The following CEP76 variants were observed in gnomAD, a reference collection of about 807,000 sequenced individuals.
CEP76 encodes the protein centrosomal protein of 76 kDa.
CEP76 carries 55 observed loss-of-function variants against 83.3 expected under a neutral mutation model. The ratio of observed to expected loss-of-function variants is 0.66; its 90% CI spans 0.53 to 0.83. The LOEUF (loss-of-function observed/expected upper bound fraction) is 0.83, where lower values mean the gene tolerates loss of function less well. Among genes scored for constraint, CEP76 ranks in the 40% least tolerant of loss-of-function variants. The pLI is 0.00. For missense variants in CEP76, 694 were observed against 799.5 expected (o/e 0.87, Z 1.59); for synonymous variants, 270 against 274.5 (o/e 0.98, Z 0.16).
chr18:12,699,272 G>A, intron 3 of CEP76, 69 bp from the exon 4 acceptor site: 1 of 1,130,516 alleles, frequency 8.8e-7, no homozygotes, highest in Non-Finnish European at 1.3e-6. Flanking sequence ...AAGACATTAG[G>A]AAATAAAAAC....
intron 9 of CEP76, 80 bp downstream of exon 9, chr18:12,680,582 G>T: frequency 9.3e-7 from 1 of 1,076,328 alleles, no homozygotes; most frequent in Non-Finnish European, 1.3e-6. Context: ...GGGCGACAGA[G>T]CGAGACTCCA....
intron 7 of CEP76, among the ~76,000 whole-genome samples, chr18:12,687,377 C>T (rs1462983959): frequency 6.6e-6 from 1 of 151,578 alleles, no homozygotes; most frequent in Non-Finnish European, 1.5e-5. Flanking sequence ...TGAGAAAGAT[C>T]ATTAATTTTT....
chr18:12,701,140 T>A, intron 1 of CEP76, 27 bp from the exon 2 acceptor site: 1 of 1,582,828 alleles, frequency 6.3e-7, no homozygotes, highest in Non-Finnish European at 8.6e-7. Flanking sequence ...TATTACAATT[T>A]ATAACATCAC....
In CEP76 at chr18:12,673,411, C is replaced by G. The variant is rs532240201; in HGVS notation, c.1934G>C (p.Cys645Ser). Residue 645 changes from cysteine to serine, a missense_variant, in exon 12 of 12, where the codon TGT becomes TCT. Transcript: ENST00000262127. Reference sequence around the variant, plus strand: ...ACAAGCAAACATGATCCAAACAGCACATGCAGATTCAGGGTAAGTAAATAC... The same window carrying G: ...ACAAGCAAACATGATCCAAACAGCAGATGCAGATTCAGGGTAAGTAAATAC... ...VRVFTYPESA[C>S]AVWIMFACKY... The G allele has an allele frequency of 1.6e-5, 26 of 1,606,980 alleles. No individual in the cohort carries two copies. In the Admixed American group the frequency reaches 2.7e-4, roughly 17 times the overall value.
chr18:12,687,453 A>AG (rs2039579053), intron 7 of CEP76, among the ~76,000 whole-genome samples: 1 of 151,108 alleles, frequency 6.6e-6, no homozygotes, highest in Non-Finnish European at 1.5e-5. Context: ...AGAAGGCATC[A>AG]ATTTTTTTTT....
chr18:12,686,658 G>A (rs907707115), intron 7 of CEP76: 1 of 410,348 alleles, frequency 2.4e-6, no homozygotes, highest in South Asian at 2.9e-5. Context: ...GAAAACTGAG[G>A]AGCTACAGCT....
In CEP76 at chr18:12,701,004, C is replaced by T. The variant is rs757160837; in HGVS notation, c.173G>A (p.Arg58His). ...CATCACATCGTCAATGATTCCTCGACGTCTAAGGGCTTTGATCAAATCTTC... is the reference window on the plus strand; with the variant it reads ...CATCACATCGTCAATGATTCCTCGATGTCTAAGGGCTTTGATCAAATCTTC... ...STEDLIKALR[R>H]RGIIDDVMKE... Residue 58 changes from arginine (R) to histidine (H), a missense_variant, in exon 2 of 12, where the codon CGT becomes CAT. By Grantham distance (29) the Arg-to-His change is conservative. Coordinates refer to ENST00000262127, the MANE Select transcript of CEP76 (RefSeq NM_024899.4). 1.9e-6 allele frequency: 3 copies of T among 1,613,698 alleles called. No homozygotes were observed. Among genetic ancestry groups the T allele is most frequent in the East Asian group, 4.5e-5 (2 of 44,858 alleles).
chr18:12,672,118 C>CTT (rs371021479), downstream of CEP76, among the ~76,000 whole-genome samples: 95 of 141,152 alleles, frequency 6.7e-4, 1 homozygote, highest in African/African-American at 2.0e-3. Flanking sequence ...ATGCCTGGCC[C>CTT]TTTTTTTTTT....
At chr18:12,702,731 C>G (rs914521283), upstream of CEP76, 3 of 623,886 alleles carry the variant, frequency 4.8e-6, no homozygotes, top group Non-Finnish European at 8.0e-6. Flanking sequence ...AATGAGGCCC[C>G]GGCGGCGGCG....
At chr18:12,668,597 C>CAAAAAAAAAAAAAAAAAAAAA (rs752216074), downstream of CEP76, among the ~76,000 whole-genome samples, 6 of 72,830 alleles carry the variant, frequency 8.2e-5, no homozygotes, top group Non-Finnish European at 1.2e-4. Context: ...GATTCCATCT[C>CAAAAAAAAAAAAAAAAAAAAA]AAAAAAAAAA....
rs371389005 is a variant in CEP76, at chr18:12,689,109, C to CACA, written c.933+2247_933+2249dup. 1.8e-3 allele frequency among the ~76,000 whole-genome samples: 275 copies of CACA among 152,186 alleles called. 1 individual carries two copies. Among genetic ancestry groups the CACA allele is most frequent in the African/African-American group, 6.3e-3 (263 of 41,510 alleles). On this transcript the variant is annotated intron_variant, in intron 7 of 11. Coordinates refer to ENST00000262127, the MANE Select transcript of CEP76 (RefSeq NM_024899.4). Reference sequence around the variant, plus strand: ...ACCCTGGGTGACTGAGACTCTGTCTCACAACAACAACAAAAAAAAGTTCTT... The same window carrying CACA: ...ACCCTGGGTGACTGAGACTCTGTCTCACAACAACAACAACAAAAAAAAGTTCTT...
intron 7 of CEP76, among the ~76,000 whole-genome samples, chr18:12,689,672 A>G (rs2039675777): frequency 6.6e-6 from 1 of 152,136 alleles, no homozygotes; most frequent in Admixed American, 6.6e-5. Context: ...TCTCTGATTC[A>G]CTGCCTCACT....
Position 12,686,303 on chromosome 18 carries a change from C to A in CEP76, c.1081G>T (p.Glu361Ter). ...APVIGGGGKQ[E>*]QWCTLLAFLC... ...AAGGCCAGCAGAGTGCACCACTGCT[C>A]CTGTTTACCTCCTCCTCCAATAACA... The change falls in exon 8 of 12, where the codon GAG (glutamate) becomes TAG (stop). Residue 361 changes from glutamate to a stop codon, truncating the protein, a stop_gained. Coordinates refer to ENST00000262127, the MANE Select transcript of CEP76 (RefSeq NM_024899.4). LOFTEE classifies it high-confidence loss of function. 6.2e-7 allele frequency: 1 copy of A among 1,614,078 alleles called. No homozygotes were observed. The highest frequency in any genetic ancestry group is 1.1e-5 in the South Asian group (1 of 91,064).
upstream of CEP76, chr18:12,702,774 C>CA: frequency 1.7e-6 from 1 of 582,986 alleles, no homozygotes; most frequent in Non-Finnish European, 3.0e-6. Flanking sequence ...GGCGGACAAA[C>CA]AGGGCTTGGG....
downstream of CEP76, among the ~76,000 whole-genome samples, chr18:12,669,627 TTA>T (rs1161619060): frequency 2.6e-5 from 4 of 152,182 alleles, no homozygotes; most frequent in South Asian, 2.1e-4. Context: ...CTTGGAGACA[TTA>T]TGTTTTTTAA....
At chr18:12,677,282 A>T (rs977925005) in intron 10 of CEP76, among the ~76,000 whole-genome samples, 3 of 151,940 alleles carry the variant, frequency 2.0e-5, no homozygotes, top group Non-Finnish European at 4.4e-5. Flanking sequence ...TCTACAAAAA[A>T]TACAAAAACT....
At chr18:12,662,804 G>A (rs1028476744) in intron 12 of CEP76, among the ~76,000 whole-genome samples, 9 of 152,020 alleles carry the variant, frequency 5.9e-5, no homozygotes, top group African/African-American at 2.2e-4. Context: ...TTTTTTTGAC[G>A]AAAAGTAGAG....
At chr18:12,690,874 C>A (rs190991902) in intron 7 of CEP76, among the ~76,000 whole-genome samples, 10 of 152,086 alleles carry the variant, frequency 6.6e-5, no homozygotes, top group African/African-American at 2.4e-4. Flanking sequence ...TGGTCACTGG[C>A]TTAGAAGTCG....
intron 9 of CEP76, chr18:12,679,128 G>C (rs1024013199): frequency 6.6e-6 from 1 of 152,010 alleles, no homozygotes; most frequent in Non-Finnish European, 1.5e-5. Context: ...TTAAAGACAA[G>C]ATGAAGGAAA....
Sources: gnomAD v4.1 joint callset for allele counts (sites outside exome capture counted in the v4.1 genomes callset) on GRCh38, gnomAD v4.1.1 for gene constraint, MANE v1.5 for transcripts, NCBI Gene and HGNC (gene_info 2026-07-23, HGNC 2026-07-21) for gene names.